SYMPK: variants seen among roughly 807,000 people sequenced by gnomAD.
The protein encoded by SYMPK is symplekin scaffold protein.
Under a neutral mutation model 136.4 loss-of-function variants are expected in SYMPK, and 49 were observed. That is an observed-to-expected ratio of 0.36 (90% CI 0.29 to 0.46). The LOEUF (loss-of-function observed/expected upper bound fraction) is 0.46. Among genes scored for constraint, SYMPK ranks in the 20% least tolerant of loss-of-function variants. The pLI, the probability that SYMPK is intolerant of heterozygous loss-of-function variation, is 1.00. For synonymous variants in SYMPK, 766 were observed against 713.0 expected, an observed-to-expected ratio of 1.07 and a Z score of -1.19; for missense variants, 1,365 against 1,690.0, an observed-to-expected ratio of 0.81 and a Z score of 3.37.
rs111641417 is a variant in SYMPK, at chr19:45,838,564, G to A, written c.1139C>T (p.Ser380Leu). Residue 380 changes from serine (S) to leucine (L), a missense_variant, in exon 10 of 27, where the codon TCG becomes TTG. Ser to Leu is a moderately radical substitution (Grantham distance 145, BLOSUM62 -2). Around this residue, in one of 11 missense-constraint regions of SYMPK, gnomAD observed 111 missense variants for 141.2 expected, o/e 0.79. Transcript: ENST00000245934. ...CTGCGCTGAGGCCTTCGAGGTCCCC[G>A]ACGGGCCTGGCTCCAAGTCTTTGTC... ...DEDKDLEPGP[S>L]GTSKASAQIS... The A allele has an allele frequency of 1.9e-5, 30 of 1,614,150 alleles. No homozygotes were observed. The highest frequency in any genetic ancestry group is 1.6e-4 in the Middle Eastern group (1 of 6,062).
At chr19:45,838,698 T>C in intron 9 of SYMPK, 83 bp from the exon 10 acceptor site, 1 of 1,458,248 alleles carries the variant, frequency 6.9e-7, no homozygotes, top group Non-Finnish European at 9.2e-7. Context: ...GGGTGGTCCC[T>C]GCCTCTAGTC....
chr19:45,839,547 G>A (rs1971386594), intron 9 of SYMPK, among the ~76,000 whole-genome samples: 1 of 152,168 alleles, frequency 6.6e-6, no homozygotes, highest in Admixed American at 6.6e-5. Context: ...ATCACTGGAT[G>A]TTAAAACCAC....
At chr19:45,854,785 G>C in intron 1 of SYMPK, 1 of 450,054 alleles carries the variant, frequency 2.2e-6, no homozygotes, top group Non-Finnish European at 4.1e-6. Flanking sequence ...TGAACGATGG[G>C]CCACATGAAC....
chr19:45,843,712 C>T (rs1332544247), intron 8 of SYMPK, among the ~76,000 whole-genome samples: 2 of 151,962 alleles, frequency 1.3e-5, no homozygotes, highest in South Asian at 2.1e-4. Flanking sequence ...TTTAGGAGGC[C>T]GAGGCAGGCG....
intron 6 of SYMPK, among the ~76,000 whole-genome samples, chr19:45,848,502 C>T (rs1362916985): frequency 1.3e-5 from 2 of 152,190 alleles, no homozygotes; most frequent in Non-Finnish European, 2.9e-5. Flanking sequence ...CAGGGCTAAG[C>T]ACAGAGGACA....
At chr19:45,858,278 T>C (rs1354475919) in intron 1 of SYMPK, among the ~76,000 whole-genome samples, 1 of 152,190 alleles carries the variant, frequency 6.6e-6, no homozygotes, top group African/African-American at 2.4e-5. Context: ...CAAGATTTTA[T>C]GGCATCTGGC....
At chr19:45,827,655 C>T (rs745963004) in intron 15 of SYMPK, 32 bp from the exon 16 acceptor site, 2 of 1,590,072 alleles carry the variant, frequency 1.3e-6, no homozygotes, top group Non-Finnish European at 1.7e-6. Context: ...CCGAGCTCAG[C>T]CCACCTGAGT....
chr19:45,830,078 A>G lies in SYMPK; in HGVS notation c.1725T>C (p.Ala575=), dbSNP rs1971132373. 1 of 1,557,338 alleles carries G rather than the reference A, an allele frequency of 6.4e-7. No individual in the cohort carries two copies. The highest frequency in any genetic ancestry group is 8.7e-7 in the Non-Finnish European group (1 of 1,149,504). Residue 575 remains alanine (A), a synonymous_variant, in exon 13 of 27, where the codon GCT becomes GCC. Coordinates refer to ENST00000245934, the MANE Select transcript of SYMPK (RefSeq NM_004819.3). ...CCTGGGCTGCCCCGCTGCAGGCCAC[A>G]GCCTTCTCAGCCCGCAGGATCCGCT... ...AVKRILRAEK[A]VACSGAAQVR...
chr19:45,848,701 A>G (rs1194628520), intron 6 of SYMPK, 49 bp downstream of exon 6: 11 of 1,610,028 alleles, frequency 6.8e-6, no homozygotes, highest in Non-Finnish European at 9.3e-6. Context: ...TTAGTTTGTC[A>G]ACGAGACATA....
intron 13 of SYMPK, 60 bp from the exon 14 acceptor site, chr19:45,829,265 C>G: frequency 7.0e-7 from 1 of 1,438,522 alleles, no homozygotes; most frequent in Admixed American, 1.8e-5. Context: ...ACTCCGCAAT[C>G]GTGCCCTGCG....
intron 11 of SYMPK, among the ~76,000 whole-genome samples, chr19:45,832,555 T>C (rs542278203): frequency 1.8e-4 from 28 of 152,256 alleles, no homozygotes; most frequent in Admixed American, 1.7e-3. Flanking sequence ...GACACAAATA[T>C]TCACAGCAGC....
At chr19:45,862,330 G>A (rs1047460261) in intron 1 of SYMPK, among the ~76,000 whole-genome samples, 4 of 152,072 alleles carry the variant, frequency 2.6e-5, no homozygotes, top group Admixed American at 2.0e-4. Flanking sequence ...GTGGTACCCT[G>A]CCCCACTGCT....
chr19:45,830,355 G>C (rs532479677), intron 12 of SYMPK, 151 bp from the exon 13 acceptor site: 1 of 862,662 alleles, frequency 1.2e-6, no homozygotes, highest in African/African-American at 1.7e-5. Flanking sequence ...TCTGAGGCAC[G>C]GTGTGGCGGT....
At position 45,816,665 on chromosome 19, in the gene SYMPK, C is replaced by G. The variant is rs552103369; in HGVS notation, c.3259-88G>C. On this transcript the variant is annotated intron_variant, in intron 24 of 26. Transcript: ENST00000245934. ...CCTCAGGTCCGGGGGCCCTAACCCTCCAGAACTCCCAGCAGTGCAGGGCCT... is the reference window on the plus strand; with the variant it reads ...CCTCAGGTCCGGGGGCCCTAACCCTGCAGAACTCCCAGCAGTGCAGGGCCT... 64 of 1,563,052 alleles carry G rather than the reference C, an allele frequency of 4.1e-5. No homozygotes were observed. The East Asian group carries it at 1.4e-3, about 35-fold the overall frequency.
chr19:45,819,725 T>A (rs1970845637), intron 22 of SYMPK: 1 of 152,564 alleles, frequency 6.6e-6, no homozygotes, highest in Non-Finnish European at 1.5e-5. Flanking sequence ...GCAGAGGTGC[T>A]GACTTTTCTT....
Position 45,818,124 on chromosome 19 carries a change from C to T in SYMPK, c.2916G>A (p.Glu972=), listed in dbSNP as rs1970797720. The change falls in exon 23 of 27, where the codon GAG becomes GAA. Residue 972 remains glutamate (E), a synonymous_variant. Coordinates refer to ENST00000245934, the MANE Select transcript of SYMPK (RefSeq NM_004819.3). ...IIKATNLCFA[E]RNVYTSEVLA... ...GCACCTCTGACGTGTACACGTTCCG[C>T]TCCGCAAAGCACAGGTTGGTGGCTG... 1.3e-6 allele frequency: 2 copies of T among 1,551,550 alleles called. No homozygotes were observed. Among genetic ancestry groups the T allele is most frequent in the Non-Finnish European group, 1.7e-6 (2 of 1,147,068 alleles).
intron 25 of SYMPK, 52 bp downstream of exon 25, chr19:45,816,430 G>A: frequency 6.4e-7 from 1 of 1,572,022 alleles, no homozygotes; most frequent in South Asian, 1.1e-5. Flanking sequence ...GCTGGCTTGG[G>A]GTAGGGGGTG....
chr19:45,821,267 G>C lies in SYMPK; in HGVS notation c.2893+117C>G, dbSNP rs577768517. ...AGGTGGCTCTCCAGAGCTCTGAGGT[G>C]GGGCTGTGAGTGACAGTCTTTGACT... is the stretch of plus-strand genomic sequence containing the variant. On this transcript the variant is annotated intron_variant, in intron 22 of 26. Coordinates refer to ENST00000245934, the MANE Select transcript of SYMPK (RefSeq NM_004819.3). This position sits in a 1 kb window ranked among gnomAD's most constrained non-coding sequence, Gnocchi z 4.4. 39 of 800,608 alleles carry C rather than the reference G, an allele frequency of 4.9e-5. No homozygotes were observed. In the African/African-American group the frequency reaches 5.9e-4, roughly 12 times the overall value. 49.6% of individuals were successfully genotyped at this position (800,608 alleles called of 1,614,324 possible). A position where few individuals can be genotyped will look rare whatever the true frequency, so the allele number is the denominator to read the frequency against.
In SYMPK at chr19:45,821,546, G is replaced by T; in HGVS notation, c.2792-61C>A. 1 of 1,173,128 alleles carries T rather than the reference G, an allele frequency of 8.5e-7. No homozygotes were observed. Among genetic ancestry groups the T allele is most frequent in the Non-Finnish European group, 1.3e-6 (1 of 795,520 alleles). The allele number at this position is 1,173,128 out of a possible 1,614,324, so 72.7% of individuals were successfully genotyped here. On this transcript the variant is annotated intron_variant, in intron 21 of 26. Transcript: ENST00000245934. The surrounding 1 kb of genome is among the most constrained non-coding windows in gnomAD (Gnocchi z 4.4). Reference sequence around the variant, plus strand: ...TGCGGACGCATAAGTGAAGAGATGGGTCTGAGTTCCCCAGATCGGGGGAGC... The same window carrying T: ...TGCGGACGCATAAGTGAAGAGATGGTTCTGAGTTCCCCAGATCGGGGGAGC...
Sources: gnomAD v4.1 joint callset for allele counts (sites outside exome capture counted in the v4.1 genomes callset) on GRCh38, gnomAD v4.1.1 for gene constraint, gnomAD v4.1.1 regional missense constraint, Gnocchi (gnomAD v3.1) non-coding constraint, MANE v1.5 for transcripts, NCBI Gene and HGNC (gene_info 2026-07-23, HGNC 2026-07-21) for gene names.